Variants in DLG2 observed in about 807,000 individuals in gnomAD.
DLG2 encodes discs large MAGUK scaffold protein 2, also known as disks large homolog 2.
In DLG2, 45 loss-of-function variants were observed where a neutral mutation model predicts 132.5. The observed-to-expected ratio is 0.34, with a 90% CI of 0.27 to 0.44. The LOEUF (loss-of-function observed/expected upper bound fraction) is 0.44, where lower values mean the gene tolerates loss of function less well. Among genes scored for constraint, DLG2 ranks in the 20% least tolerant of loss-of-function variants. The probability of loss-of-function intolerance (pLI) is 1.00; values close to 1 mark genes in which losing one functional copy is unlikely to be tolerated. For synonymous variants in DLG2, 424 were observed against 419.6 expected (o/e 1.01, Z -0.13); for missense variants, 1,045 against 1,196.9 (o/e 0.87, Z 1.87).
intron 6 of DLG2, among the ~76,000 whole-genome samples, chr11:84,703,474 A>C (rs2059416852): frequency 6.6e-6 from 1 of 151,564 alleles, no homozygotes; most frequent in Non-Finnish European, 1.5e-5. Flanking sequence ...ACAAATGAAG[A>C]AAACAAATAT....
chr11:84,696,737 A>G (rs1005455371), intron 6 of DLG2, among the ~76,000 whole-genome samples: 3 of 151,436 alleles, frequency 2.0e-5, no homozygotes, highest in African/African-American at 7.3e-5. Context: ...AAGGATACAT[A>G]TGGAGAAATA....
chr11:83,822,411 A>G (rs1380100580), intron 17 of DLG2, among the ~76,000 whole-genome samples: 1 of 152,152 alleles, frequency 6.6e-6, no homozygotes, highest in Non-Finnish European at 1.5e-5. Context: ...ATGGTCATTT[A>G]TCATTTATCT....
intron 11 of DLG2, among the ~76,000 whole-genome samples, chr11:83,996,967 T>A (rs1328354826): frequency 6.6e-6 from 1 of 152,060 alleles, no homozygotes; most frequent in Admixed American, 6.5e-5. Context: ...AAAAAGAGTA[T>A]AATTGGATTG....
intron 9 of DLG2, among the ~76,000 whole-genome samples, chr11:84,152,233 T>C (rs1448584734): frequency 1.3e-5 from 2 of 152,198 alleles, no homozygotes; most frequent in African/African-American, 2.4e-5. Context: ...CAATGTTTGG[T>C]ATGTATATAT....
At chr11:84,942,169 C>G (rs1179925943) in intron 6 of DLG2, among the ~76,000 whole-genome samples, 4 of 151,972 alleles carry the variant, frequency 2.6e-5, no homozygotes, top group South Asian at 2.1e-4. Context: ...AGGTTTGTCA[C>G]TTGTATCTTA....
chr11:85,084,743 T>A (rs1045257881), intron 6 of DLG2, among the ~76,000 whole-genome samples: 7 of 152,162 alleles, frequency 4.6e-5, no homozygotes, highest in Non-Finnish European at 7.4e-5. Context: ...CCATTCCACC[T>A]GTGATCACAA....
At chr11:85,202,808 G>A (rs1172872596) in intron 4 of DLG2, among the ~76,000 whole-genome samples, 1 of 151,770 alleles carries the variant, frequency 6.6e-6, no homozygotes, top group African/African-American at 2.4e-5. Flanking sequence ...ATGAGTCAAT[G>A]AAAAAATCAA....
At chr11:83,596,595 C>A (rs2057623866) in intron 19 of DLG2, among the ~76,000 whole-genome samples, 1 of 152,146 alleles carries the variant, frequency 6.6e-6, no homozygotes, top group South Asian at 2.1e-4. Context: ...ACCAATATGT[C>A]TACATCACTC....
intron 15 of DLG2, among the ~76,000 whole-genome samples, chr11:83,876,984 A>C (rs901454955): frequency 2.0e-5 from 3 of 152,164 alleles, no homozygotes; most frequent in Non-Finnish European, 4.4e-5. Flanking sequence ...TATTATAAAC[A>C]GTGCTGCAAT....
chr11:84,224,608 T>C (rs1228354432), intron 8 of DLG2, among the ~76,000 whole-genome samples: 1 of 152,164 alleles, frequency 6.6e-6, no homozygotes, highest in Non-Finnish European at 1.5e-5. Context: ...ATGTGATAGA[T>C]ATTATTATTA....
intron 6 of DLG2, among the ~76,000 whole-genome samples, chr11:84,939,741 A>T (rs937254118): frequency 5.9e-5 from 9 of 152,244 alleles, no homozygotes. Flanking sequence ...ATGGTATTGC[A>T]AATGACAGTA....
At chr11:84,043,924 A>C (rs1414955464) in intron 11 of DLG2, among the ~76,000 whole-genome samples, 1 of 151,578 alleles carries the variant, frequency 6.6e-6, no homozygotes, top group South Asian at 2.1e-4. Flanking sequence ...AATTTATTTT[A>C]AGTTTTCCTA....
chr11:83,477,563 A>G (rs1189844457), intron 22 of DLG2, among the ~76,000 whole-genome samples: 1 of 152,108 alleles, frequency 6.6e-6, no homozygotes, highest in Non-Finnish European at 1.5e-5. Context: ...ACTCCAGGAT[A>G]CAGTGTGAAT....
intron 18 of DLG2, among the ~76,000 whole-genome samples, chr11:83,653,515 C>A (rs558677580): frequency 6.6e-6 from 1 of 152,298 alleles, no homozygotes; most frequent in East Asian, 1.9e-4. Flanking sequence ...ACACCTTGGG[C>A]CCCTGAGAAT....
At chr11:84,701,245 T>C (rs551319626) in intron 6 of DLG2, among the ~76,000 whole-genome samples, 114 of 151,722 alleles carry the variant, frequency 7.5e-4, no homozygotes, top group Non-Finnish European at 1.3e-3. Flanking sequence ...GAGAAGACTA[T>C]TTCTTCTGTT....
intron 25 of DLG2, among the ~76,000 whole-genome samples, 165 bp downstream of exon 25, chr11:83,469,036 T>A (rs534904124): frequency 6.6e-6 from 1 of 152,166 alleles, no homozygotes; most frequent in East Asian, 1.9e-4. Context: ...AGAACAAAGA[T>A]TAATGACATT....
chr11:84,752,945 C>T (rs76869092), intron 6 of DLG2, among the ~76,000 whole-genome samples: 4 of 151,920 alleles, frequency 2.6e-5, no homozygotes, highest in Admixed American at 2.6e-4. Context: ...ATATGTGCCA[C>T]ATTTTCTTAA....
intron 3 of DLG2, among the ~76,000 whole-genome samples, chr11:85,374,863 G>A (rs1342537164): frequency 1.3e-5 from 2 of 152,112 alleles, no homozygotes; most frequent in Non-Finnish European, 2.9e-5. Context: ...TAGTGGTATT[G>A]AGGTTCTGTC....
At chr11:85,103,943 A>G (rs1320582270) in intron 6 of DLG2, among the ~76,000 whole-genome samples, 1 of 151,934 alleles carries the variant, frequency 6.6e-6, no homozygotes, top group Non-Finnish European at 1.5e-5. Flanking sequence ...ATAAACGGTA[A>G]TAAGTACATG....
Sources: allele counts gnomAD v4.1 joint callset (sites outside exome capture counted in the v4.1 genomes callset), GRCh38; gene constraint gnomAD v4.1.1; transcripts MANE v1.5; gene names NCBI Gene and HGNC (gene_info 2026-07-23, HGNC 2026-07-21).